Variants in ATG2A observed in about 807,000 individuals in gnomAD.
ATG2A encodes the protein autophagy related 2A.
Under a neutral mutation model 214.2 loss-of-function variants are expected in ATG2A, and 103 were observed. The observed-to-expected ratio is 0.48, with a 90% confidence interval of 0.41 to 0.57. The LOEUF is 0.57. ATG2A is among the 20% of genes least tolerant of loss of function. The pLI is 0.00. For missense variants in ATG2A, 2,312 were observed against 2,613.2 expected (o/e 0.88, Z 2.51); for synonymous variants, 1,160 against 1,142.1 (o/e 1.02, Z -0.32).
Position 64,896,802 on chromosome 11 carries a change from G to A in ATG2A, c.5218C>T (p.Gln1740Ter). ...NEWLQDIRKN[Q>*]LPGLLGGVGP... is the part of the protein sequence containing the mutation. ...ACGCCTCCCAGCAGGCCGGGCAGCT[G>A]GTTCTTGCGGATGTCCTGCAGCCAC... is the stretch of plus-strand genomic sequence containing the variant. Residue 1740 changes from glutamine (Q) to a stop codon, truncating the protein, a stop_gained, in exon 38 of 41, where the codon CAG becomes TAG. Transcript: ENST00000377264. LOFTEE classifies it high-confidence loss of function. 6.2e-7 allele frequency: 1 copy of A among 1,614,152 alleles called. No individual in the cohort carries two copies. Among genetic ancestry groups the A allele is most frequent in the Non-Finnish European group, 8.5e-7 (1 of 1,180,024 alleles).
chr11:64,896,882 G>T lies in ATG2A; in HGVS notation c.5151-13C>A. On this transcript the variant is annotated splice_polypyrimidine_tract_variant and intron_variant, in intron 37 of 40. Transcript: ENST00000377264. ...CACACCCAGGAGCCTGGCAGGGCAG[G>T]GAGGTGAGGAGGCAGAAGGTGAGGC... 2 of 1,612,566 alleles carry T rather than the reference G, an allele frequency of 1.2e-6. No individual in the cohort carries two copies. The highest frequency in any genetic ancestry group is 1.7e-6 in the Non-Finnish European group (2 of 1,178,790).
Position 64,914,237 on chromosome 11 carries a change from T to G in ATG2A, c.335-4A>C. The G allele has an allele frequency of 6.4e-7, 1 of 1,551,866 alleles. No homozygotes were observed. The highest frequency in any genetic ancestry group is 8.7e-7 in the Non-Finnish European group (1 of 1,147,210). On this transcript the variant is annotated splice_region_variant and splice_polypyrimidine_tract_variant and intron_variant, in intron 2 of 40. Transcript: ENST00000377264. ...TGTGAGTCGGCAGCCCCTGGCGCTG[T>G]AGGGAGAAACAGGGTCTCAAGGCAG...
In ATG2A at chr11:64,903,790, C is replaced by T; in HGVS notation, c.3465-130G>A. 1.2e-6 allele frequency: 1 copy of T among 849,784 alleles called. No individual in the cohort carries two copies. Among genetic ancestry groups the T allele is most frequent in the Non-Finnish European group, 1.8e-6 (1 of 560,862 alleles). 52.6% of individuals were successfully genotyped at this position (849,784 alleles called of 1,614,324 possible). ...GCCCCTCCAGCCTCAGCGTTCCTGC[C>T]TGCACAATGGGGAGAAGGCCCAGAC... On this transcript the variant is annotated intron_variant, in intron 24 of 40. Transcript: ENST00000377264. This position sits in a 1 kb window ranked among gnomAD's most constrained non-coding sequence, Gnocchi z 4.2.
chr11:64,909,620 A>C, intron 14 of ATG2A, 61 bp downstream of exon 14: 1 of 1,589,118 alleles, frequency 6.3e-7, no homozygotes, highest in Non-Finnish European at 8.6e-7. Context: ...CATAGCCCCA[A>C]GCCCATCTCT....
In ATG2A at chr11:64,900,747, C is replaced by T. The variant is rs1286849880; in HGVS notation, c.4329-118G>A. The stretch of plus-strand genomic sequence containing the variant: ...GCTAGCCCCAGTCCTGGAAGGCAGG[C>T]GGGATAAGGAAGGATGAGGAAACTG... On this transcript the variant is annotated intron_variant, in intron 30 of 40. Transcript: ENST00000377264. 24 of 1,444,662 alleles carry T rather than the reference C, an allele frequency of 1.7e-5. No homozygotes were observed. The East Asian group carries it at 2.0e-4, about 12-fold the overall frequency. The allele number at this position is 1,444,662 out of a possible 1,614,324, so 89.5% of individuals were successfully genotyped here. A position where few individuals can be genotyped will look rare whatever the true frequency, so the allele number is the denominator to read the frequency against.
chr11:64,913,487 G>C lies in ATG2A; in HGVS notation c.591-86C>G, dbSNP rs2136641429. ...CACAGTGCTCTGCTCTAGGGGCACGGGGTCAGGGAGCCTAGCCTGCAGAGC... is the reference window on the plus strand; with the variant it reads ...CACAGTGCTCTGCTCTAGGGGCACGCGGTCAGGGAGCCTAGCCTGCAGAGC... On this transcript the variant is annotated intron_variant, in intron 4 of 40. Transcript: ENST00000377264. This position sits in a 1 kb window ranked among gnomAD's most constrained non-coding sequence, Gnocchi z 4.3. 3 of 1,440,690 alleles carry C rather than the reference G, an allele frequency of 2.1e-6. No homozygotes were observed. The highest frequency in any genetic ancestry group is 5.0e-5 in the East Asian group (2 of 40,116). 89.2% of individuals were successfully genotyped at this position (1,440,690 alleles called of 1,614,324 possible). A position where few individuals can be genotyped will look rare whatever the true frequency, so the allele number is the denominator to read the frequency against.
rs961399536 is a variant in ATG2A at position 64,914,489 on chromosome 11, C to G, written c.183G>C (p.Glu61Asp). Residue 61 changes from glutamate (E) to aspartate (D), a missense_variant, in exon 2 of 41, where the codon GAG (glutamate) becomes GAC (aspartate). Coordinates refer to ENST00000377264, the MANE Select transcript of ATG2A (RefSeq NM_015104.3). Reference sequence around the variant, plus strand: ...GCGGTGACTCCATTGACTCCAGCACCTCGTTCACAGACTGGGAGCAAGCAA... The same window carrying G: ...GCGGTGACTCCATTGACTCCAGCACGTCGTTCACAGACTGGGAGCAAGCAA... ...DIHLEIWSVN[E>D]VLESMESPLE... The G allele has an allele frequency of 1.2e-6, 2 of 1,612,436 alleles. No individual in the cohort carries two copies. The highest frequency in any genetic ancestry group is 1.7e-6 in the Non-Finnish European group (2 of 1,179,658).
chr11:64,914,542 A>G (rs1473991321), intron 1 of ATG2A, 42 bp from the exon 2 acceptor site: 2 of 1,598,960 alleles, frequency 1.3e-6, no homozygotes, highest in Non-Finnish European at 1.7e-6. Context: ...GGGAAACCCC[A>G]AATCCCACAG....
Position 64,912,066 on chromosome 11 carries a change from G to A in ATG2A, c.1087+19C>T, listed in dbSNP as rs752318154. 27 of 1,612,464 alleles carry A rather than the reference G, an allele frequency of 1.7e-5. No individual in the cohort carries two copies. Among genetic ancestry groups the A allele is most frequent in the East Asian group, 1.6e-4 (7 of 44,860 alleles). On this transcript the variant is annotated intron_variant, in intron 8 of 40. Coordinates refer to ENST00000377264, the MANE Select transcript of ATG2A (RefSeq NM_015104.3). ...CCACACTAGCTGCCCCTCCAACCAC[G>A]GTCTGACCCCACACCCACCAGTGTT...
chr11:64,897,985 G>C lies in ATG2A; in HGVS notation c.4859-11C>G. The C allele has an allele frequency of 6.4e-7, 1 of 1,565,520 alleles. No homozygotes were observed. Among genetic ancestry groups the C allele is most frequent in the Non-Finnish European group, 8.6e-7 (1 of 1,158,472 alleles). ...GAGTCTCGGGGCGAGCTAGGGGAGG[G>C]GAGGTCACAGACTGGGGATGGGGCC... On this transcript the variant is annotated splice_polypyrimidine_tract_variant and intron_variant, in intron 34 of 40. Coordinates refer to ENST00000377264, the MANE Select transcript of ATG2A (RefSeq NM_015104.3).
Position 64,900,552 on chromosome 11 carries a change from C to T in ATG2A, c.4406G>A (p.Arg1469His), listed in dbSNP as rs756118490. The change falls in exon 31 of 41, where the codon CGC becomes CAC. Residue 1469 changes from arginine to histidine, a missense_variant. Arg to His is a conservative substitution (Grantham distance 29, BLOSUM62 0). Transcript: ENST00000377264. ...SGPNRPQNSW[R>H]TQGGSGRQHH... ...CTGCCGCCCGCTGCCCCCCTGCGTG[C>T]GCCATGAGTTCTGGGGCCGGTTGGG... The T allele has an allele frequency of 1.2e-6, 2 of 1,613,250 alleles. No individual in the cohort carries two copies. Among genetic ancestry groups the T allele is most frequent in the African/African-American group, 1.3e-5 (1 of 74,918 alleles).
At chr11:64,914,258 G>A in intron 2 of ATG2A, 25 bp from the exon 3 acceptor site, 1 of 1,551,206 alleles carries the variant, frequency 6.4e-7, no homozygotes, top group Non-Finnish European at 8.7e-7. Context: ...AGGGTCTCAA[G>A]GCAGGCAGGC....
chr11:64,906,206 G>T lies in ATG2A; in HGVS notation c.3184-13C>A. 1.2e-6 allele frequency: 2 copies of T among 1,611,606 alleles called. No homozygotes were observed. Among genetic ancestry groups the T allele is most frequent in the Non-Finnish European group, 1.7e-6 (2 of 1,179,212 alleles). ...TCACCAGGAACTCCTGAGGGTGGGG[G>T]CGCAGTCAGGGCAGTGGGGAGGCCA... On this transcript the variant is annotated splice_polypyrimidine_tract_variant and intron_variant, in intron 21 of 40. Coordinates refer to ENST00000377264, the MANE Select transcript of ATG2A (RefSeq NM_015104.3).
chr11:64,904,773 G>GTTATTT (rs1353207434), intron 24 of ATG2A, among the ~76,000 whole-genome samples: 1 of 146,836 alleles, frequency 6.8e-6, no homozygotes, highest in Non-Finnish European at 1.5e-5. Flanking sequence ...TGTATCCAAT[G>GTTATTT]TTATTTGAGT....
chr11:64,912,996 A>C, intron 6 of ATG2A, 42 bp downstream of exon 6: 1 of 1,386,530 alleles, frequency 7.2e-7, no homozygotes, highest in Non-Finnish European at 9.8e-7. Flanking sequence ...AGGAGTCTTG[A>C]GATGGGGTAC....
intron 16 of ATG2A, among the ~76,000 whole-genome samples, chr11:64,908,662 GAC>G (rs199806796): frequency 0.032 from 4,837 of 152,322 alleles, 133 homozygotes; most frequent in Middle Eastern, 0.058. Flanking sequence ...CCAGGGTGAT[GAC>G]ACAGTCACCA....
chr11:64,904,061 C>A (rs879586411), intron 24 of ATG2A, among the ~76,000 whole-genome samples: 1 of 151,800 alleles, frequency 6.6e-6, no homozygotes, highest in South Asian at 2.1e-4. Context: ...GCCTGGCCAA[C>A]GTGGTGAAAC....
chr11:64,910,992 G>C lies in ATG2A; in HGVS notation c.1467-38C>G, dbSNP rs775136741. ...GGACAGGCGTCAGAAGGTGCACTTA[G>C]GGGGCTCTGATGGTCTCTCCTCAGG... On this transcript the variant is annotated intron_variant, in intron 10 of 40. Transcript: ENST00000377264. 3.1e-6 allele frequency: 5 copies of C among 1,613,492 alleles called. No individual in the cohort carries two copies. In the African/African-American group the frequency reaches 6.7e-5, roughly 22 times the overall value.
intron 12 of ATG2A, 75 bp downstream of exon 12, chr11:64,910,541 G>T: frequency 6.8e-7 from 1 of 1,469,892 alleles, no homozygotes; most frequent in Non-Finnish European, 9.3e-7. Context: ...GGGCAGCAGA[G>T]GAGGCCCTGG....
Sources: allele counts gnomAD v4.1 joint callset (sites outside exome capture counted in the v4.1 genomes callset), GRCh38; gene constraint gnomAD v4.1.1; non-coding constraint Gnocchi (gnomAD v3.1); transcripts MANE v1.5; gene names NCBI Gene and HGNC (gene_info 2026-07-23, HGNC 2026-07-21).